ADRA1A: variants seen among roughly 807,000 people sequenced by gnomAD.
The protein encoded by ADRA1A is adrenoceptor alpha 1A.
In ADRA1A, 31 loss-of-function variants were observed where a neutral mutation model predicts 29.6. The observed-to-expected ratio is 1.05, with a 90% CI of 0.79 to 1.41. The LOEUF is 1.41. Ranked by LOEUF, ADRA1A falls within the 40% of genes most tolerant of loss-of-function variation. The pLI, the probability that ADRA1A is intolerant of heterozygous loss-of-function variation, is 0.00. For missense variants in ADRA1A, 619 were observed against 601.1 expected (o/e 1.03, Z -0.31); for synonymous variants, 311 against 254.3 (o/e 1.22, Z -2.12).
intron 2 of ADRA1A, among the ~76,000 whole-genome samples, chr8:26,804,968 C>T (rs879922502): frequency 6.6e-6 from 1 of 152,224 alleles, no homozygotes; most frequent in Non-Finnish European, 1.5e-5. Flanking sequence ...GTCAGTCTCT[C>T]TCTCTCACAT....
At chr8:26,813,676 A>G (rs1015967099) in intron 2 of ADRA1A, among the ~76,000 whole-genome samples, 4 of 152,192 alleles carry the variant, frequency 2.6e-5, no homozygotes, top group African/African-American at 9.7e-5. Context: ...CAGTTCTGAC[A>G]AGGTAACAAA....
chr8:26,764,525 C>T (rs1313938736), downstream of ADRA1A, among the ~76,000 whole-genome samples: 2 of 152,220 alleles, frequency 1.3e-5, no homozygotes, highest in South Asian at 2.1e-4. Context: ...TCAAGAGTGT[C>T]GAGAAACACA....
chr8:26,777,587 A>G (rs755337649), intron 2 of ADRA1A, among the ~76,000 whole-genome samples: 1 of 152,212 alleles, frequency 6.6e-6, no homozygotes, highest in African/African-American at 2.4e-5. Flanking sequence ...CTGAAATTGT[A>G]CAGCTCTCCA....
chr8:26,788,554 T>A (rs1317670775), intron 2 of ADRA1A, among the ~76,000 whole-genome samples: 1 of 152,182 alleles, frequency 6.6e-6, no homozygotes, highest in Non-Finnish European at 1.5e-5. Context: ...AGATGTAATT[T>A]ATTAGTAATT....
chr8:26,766,673 A>G (rs1179692265), downstream of ADRA1A, among the ~76,000 whole-genome samples: 1 of 152,204 alleles, frequency 6.6e-6, no homozygotes, highest in East Asian at 1.9e-4. Context: ...GGGGCTATGG[A>G]AAATGTGCAG....
At chr8:26,749,891 G>GTT (rs1804851090) in intron 2 of ADRA1A, among the ~76,000 whole-genome samples, 1 of 152,084 alleles carries the variant, frequency 6.6e-6, no homozygotes, top group Non-Finnish European at 1.5e-5. Flanking sequence ...CCAGAAGAAG[G>GTT]CCTGGTCATG....
exon 3 of ADRA1A, chr8:26,756,728 A>G (rs1445657457): frequency 6.2e-7 from 1 of 1,614,158 alleles, no homozygotes; most frequent in Non-Finnish European, 8.5e-7. Context: ...CTTGGGCAGT[A>G]AGGACAACAG....
intron 2 of ADRA1A, among the ~76,000 whole-genome samples, chr8:26,794,274 GC>G (rs1302778452): frequency 1.1e-4 from 16 of 152,024 alleles, no homozygotes; most frequent in African/African-American, 3.9e-4. Context: ...TCATTTTCAT[GC>G]AACTTTATCT....
intron 2 of ADRA1A, among the ~76,000 whole-genome samples, chr8:26,827,290 T>G (rs1325623847): frequency 6.6e-6 from 1 of 152,164 alleles, no homozygotes; most frequent in Non-Finnish European, 1.5e-5. Context: ...ATGGGAAATG[T>G]TGAGGTTGAA....
intron 2 of ADRA1A, among the ~76,000 whole-genome samples, chr8:26,776,624 G>A (rs1806567878): frequency 6.6e-6 from 1 of 152,132 alleles, no homozygotes; most frequent in African/African-American, 2.4e-5. Context: ...ACCCTACGAT[G>A]ACATGGAAGT....
rs987420617 is a variant in ADRA1A at position 26,787,825 on chromosome 8, G to A, written c.884-17159C>T. On this transcript the variant is annotated intron_variant, in intron 2 of 2. Transcript: ENST00000380573. The surrounding 1 kb of genome is among the most constrained non-coding windows in gnomAD (Gnocchi z 4.2). ...GCATTTGCTCATTTGCTATCCCAGA[G>A]CTATGATCAGTTTCCTTCCTCTGCA... 6.6e-6 allele frequency among the ~76,000 whole-genome samples: 1 copy of A among 152,016 alleles called. No homozygotes were observed. Among genetic ancestry groups the A allele is most frequent in the Non-Finnish European group, 1.5e-5 (1 of 68,006 alleles).
At position 26,823,178 on chromosome 8, in the gene ADRA1A, G is replaced by A. The variant is rs1405881533; in HGVS notation, c.883+40909C>T. On this transcript the variant is annotated intron_variant, in intron 2 of 2. Coordinates refer to ENST00000380573, the MANE Select transcript of ADRA1A (RefSeq NM_000680.4). This position sits in a 1 kb window ranked among gnomAD's most constrained non-coding sequence, Gnocchi z 4.2. ...CAAGAAATGAACAAAAAATGGGGGAGGGCAGTGTCATGAAGCAAAATATGT... is the reference window on the plus strand; with the variant it reads ...CAAGAAATGAACAAAAAATGGGGGAAGGCAGTGTCATGAAGCAAAATATGT... 6.6e-6 allele frequency among the ~76,000 whole-genome samples: 1 copy of A among 152,162 alleles called. No individual in the cohort carries two copies. Among genetic ancestry groups the A allele is most frequent in the Non-Finnish European group, 1.5e-5 (1 of 68,038 alleles).
chr8:26,843,916 T>C (rs1222535577), intron 2 of ADRA1A, among the ~76,000 whole-genome samples: 1 of 152,226 alleles, frequency 6.6e-6, no homozygotes, highest in East Asian at 1.9e-4. Flanking sequence ...GTGCCATAAA[T>C]GTTAGTGCAT....
intron 2 of ADRA1A, among the ~76,000 whole-genome samples, chr8:26,827,868 T>C (rs957886560): frequency 6.6e-6 from 1 of 152,088 alleles, no homozygotes; most frequent in Non-Finnish European, 1.5e-5. Context: ...AGACTCTGTC[T>C]TCTTACTTGT....
intron 2 of ADRA1A, among the ~76,000 whole-genome samples, chr8:26,837,684 G>C (rs1184833697): frequency 6.6e-6 from 1 of 151,700 alleles, no homozygotes; most frequent in Non-Finnish European, 1.5e-5. Context: ...TAGCCATTGG[G>C]CTAGATAGCC....
chr8:26,762,073 G>A (rs1805535813), downstream of ADRA1A, among the ~76,000 whole-genome samples: 1 of 152,082 alleles, frequency 6.6e-6, no homozygotes. This position sits in a 1 kb window ranked among gnomAD's most constrained non-coding sequence, Gnocchi z 4.0. Context: ...AAGTCAAAAA[G>A]AAAGGAACAA....
At position 26,820,466 on chromosome 8, in the gene ADRA1A, A is replaced by T. The variant is rs568840025; in HGVS notation, c.883+43621T>A. ...AAGTGTACATCTAAATCTCAGCCCCAGGGATACTTTCTTGACTAAACATCA... is the reference window on the plus strand; with the variant it reads ...AAGTGTACATCTAAATCTCAGCCCCTGGGATACTTTCTTGACTAAACATCA... On this transcript the variant is annotated intron_variant, in intron 2 of 2. Coordinates refer to ENST00000380573, the MANE Select transcript of ADRA1A (RefSeq NM_000680.4). 3.3e-5 allele frequency among the ~76,000 whole-genome samples: 5 copies of T among 152,330 alleles called. No homozygotes were observed. In the South Asian group the frequency reaches 1.0e-3, roughly 32 times the overall value.
chr8:26,756,409 C>G (rs535706994), exon 3 of ADRA1A: 1 of 1,333,480 alleles, frequency 7.5e-7, no homozygotes, highest in East Asian at 3.5e-5. Context: ...ACACCCTACA[C>G]GTGGCTGATG....
rs57980330 is a variant in ADRA1A, at chr8:26,812,956, A to G, written c.884-42290T>C. The stretch of plus-strand genomic sequence containing the variant: ...GCTGGGATTACAGGCTTGAGCTACC[A>G]CGCCCGGCCTGCCTTTTTATAATAC... On this transcript the variant is annotated intron_variant, in intron 2 of 2. Transcript: ENST00000380573. 7.2e-4 allele frequency among the ~76,000 whole-genome samples: 109 copies of G among 151,388 alleles called. 1 individual carries two copies. In the South Asian group the frequency reaches 7.5e-3, roughly 10 times the overall value.
Sources: gnomAD v4.1 joint callset for allele counts (sites outside exome capture counted in the v4.1 genomes callset) on GRCh38, gnomAD v4.1.1 for gene constraint, Gnocchi (gnomAD v3.1) non-coding constraint, MANE v1.5 for transcripts, NCBI Gene and HGNC (gene_info 2026-07-23, HGNC 2026-07-21) for gene names.